The following TNKS variants were observed in gnomAD, a reference collection of about 807,000 sequenced individuals.
TNKS encodes the protein poly [ADP-ribose] polymerase tankyrase-1.
A neutral mutation model predicts 135.8 loss-of-function variants in TNKS; 72 were observed. The ratio of observed to expected loss-of-function variants is 0.53; its 90% CI spans 0.44 to 0.64. TNKS has a LOEUF of 0.64. Ranked by LOEUF, TNKS falls within the 30% of genes least tolerant of loss-of-function variation. The pLI, the probability that TNKS is intolerant of heterozygous loss-of-function variation, is 0.00. For synonymous variants in TNKS, 849 were observed against 649.3 expected (o/e 1.31, Z -4.68); for missense variants, 1,769 against 1,674.0 (o/e 1.06, Z -0.99).
rs1236054326 is a variant in TNKS at position 9,779,433 on chromosome 8, A to G, written c.*2697A>G. 1.3e-5 allele frequency: 2 copies of G among 152,176 alleles called. 1 individual carries two copies. The highest frequency in any genetic ancestry group is 2.9e-5 in the Non-Finnish European group (2 of 68,054). The allele number at this position is 152,176 out of a possible 1,614,324, so 9.4% of individuals were successfully genotyped here. On this transcript the variant is annotated 3_prime_UTR_variant, in exon 27 of 27. Coordinates refer to ENST00000310430, the MANE Select transcript of TNKS (RefSeq NM_003747.3). ...GTTTCCCTAACCACATGGAAGAAAG[A>G]ATCTGAACGTCTCCACCGGCTCTAC... is the stretch of plus-strand genomic sequence containing the variant.
chr8:9,598,386 A>G (rs1332624127), intron 2 of TNKS, among the ~76,000 whole-genome samples: 1 of 152,176 alleles, frequency 6.6e-6, no homozygotes, highest in African/African-American at 2.4e-5. Context: ...AATTGAAAGC[A>G]GAATCAAATT....
At chr8:9,695,573 A>T (rs962266267) in intron 5 of TNKS, among the ~76,000 whole-genome samples, 1 of 152,136 alleles carries the variant, frequency 6.6e-6, no homozygotes, top group Non-Finnish European at 1.5e-5. Context: ...CCACTGGAAG[A>T]TTTTGAGCAC....
At chr8:9,772,998 A>G (rs1048846097) in intron 26 of TNKS, among the ~76,000 whole-genome samples, 6 of 151,498 alleles carry the variant, frequency 4.0e-5, no homozygotes, top group African/African-American at 1.5e-4. Flanking sequence ...TACCATTTTA[A>G]TTTTTGCAAC....
At chr8:9,766,885 GC>G (rs1474199555) in intron 25 of TNKS, among the ~76,000 whole-genome samples, 2 of 152,138 alleles carry the variant, frequency 1.3e-5, no homozygotes, top group Non-Finnish European at 2.9e-5. Context: ...CAGCTGATCA[GC>G]CTCTTCTGAC....
rs551494264 is a variant in TNKS at position 9,643,314 on chromosome 8, C to T, written c.994+27637C>T. On this transcript the variant is annotated intron_variant, in intron 3 of 26. Transcript: ENST00000310430. Reference sequence around the variant, plus strand: ...CTGAGAAGTCCAAGGTTGAGGGACCCGTGTCTGGTTAGGGCCTGTTTGCTG... The same window carrying T: ...CTGAGAAGTCCAAGGTTGAGGGACCTGTGTCTGGTTAGGGCCTGTTTGCTG... Among the ~76,000 whole-genome samples, 4 of 145,474 alleles carry T rather than the reference C, an allele frequency of 2.7e-5. 2 individuals are homozygous for T. Among genetic ancestry groups the T allele is most frequent in the Non-Finnish European group, 6.0e-5 (4 of 66,552 alleles).
At chr8:9,600,567 C>T (rs1320775880) in intron 2 of TNKS, among the ~76,000 whole-genome samples, 1 of 152,102 alleles carries the variant, frequency 6.6e-6, no homozygotes, top group Non-Finnish European at 1.5e-5. Context: ...TTGGTCTCGG[C>T]CTCCCAAAAT....
At chr8:9,612,254 A>T (rs1051079685) in intron 2 of TNKS, among the ~76,000 whole-genome samples, 5 of 152,216 alleles carry the variant, frequency 3.3e-5, no homozygotes, top group Non-Finnish European at 5.9e-5. Flanking sequence ...AATATAAATA[A>T]AAAGAAGTAC....
At chr8:9,762,902 C>G (rs1807221438) in intron 21 of TNKS, among the ~76,000 whole-genome samples, 1 of 122,268 alleles carries the variant, frequency 8.2e-6, no homozygotes, top group African/African-American at 3.1e-5. Context: ...GAGGCTCCGT[C>G]TCAAAAAAAA....
intron 3 of TNKS, among the ~76,000 whole-genome samples, chr8:9,650,955 C>T (rs1455113233): frequency 3.3e-5 from 5 of 152,056 alleles, no homozygotes; most frequent in Admixed American, 1.3e-4. Context: ...TTCAGGTCTT[C>T]GATTTAAGTC....
rs548065332 is a variant in TNKS at position 9,670,386 on chromosome 8, A to T, written c.995-9565A>T. ...CATCTTAAAATTATCTTATTGGGAA[A>T]CCATTCGCCTGTATGTAGAGGGCAT... is the stretch of plus-strand genomic sequence containing the variant. On this transcript the variant is annotated intron_variant, in intron 3 of 26. Transcript: ENST00000310430. Among the ~76,000 whole-genome samples the T allele has an allele frequency of 5.3e-5, 8 of 152,238 alleles. No individual in the cohort carries two copies. The East Asian group carries it at 1.4e-3, about 26-fold the overall frequency.
At chr8:9,559,302 A>T (rs1306342678) in intron 1 of TNKS, among the ~76,000 whole-genome samples, 1 of 152,188 alleles carries the variant, frequency 6.6e-6, no homozygotes, top group Non-Finnish European at 1.5e-5. Flanking sequence ...AAGTCTTTGT[A>T]GGTAGATTTT....
At chr8:9,743,896 A>G (rs1407919559) in intron 17 of TNKS, among the ~76,000 whole-genome samples, 2 of 152,204 alleles carry the variant, frequency 1.3e-5, no homozygotes, top group African/African-American at 4.8e-5. Context: ...TGTGTTAAAT[A>G]AACACAGATT....
At chr8:9,727,771 A>G (rs555660170) in intron 13 of TNKS, among the ~76,000 whole-genome samples, 87 of 152,332 alleles carry the variant, frequency 5.7e-4, no homozygotes, top group African/African-American at 1.9e-3. Context: ...TCTGTTGCCT[A>G]GAAATTTTAT....
chr8:9,620,329 C>T (rs1266506318), intron 3 of TNKS, among the ~76,000 whole-genome samples: 1 of 152,094 alleles, frequency 6.6e-6, no homozygotes, highest in Non-Finnish European at 1.5e-5. Context: ...CCAATCTGAC[C>T]GTTTCTTACC....
chr8:9,743,779 C>T (rs568714838), intron 17 of TNKS, among the ~76,000 whole-genome samples: 1 of 152,190 alleles, frequency 6.6e-6, no homozygotes, highest in African/African-American at 2.4e-5. Flanking sequence ...TTAGTAAATT[C>T]CTTGCTTCCC....
chr8:9,653,324 T>C (rs1357131734), intron 3 of TNKS, among the ~76,000 whole-genome samples: 1 of 152,142 alleles, frequency 6.6e-6, no homozygotes, highest in Non-Finnish European at 1.5e-5. Flanking sequence ...TGCATCTGAC[T>C]GTCTCTGTTT....
At chr8:9,706,662 C>A in intron 7 of TNKS, 149 bp from the exon 8 acceptor site, 1 of 670,210 alleles carries the variant, frequency 1.5e-6, no homozygotes, top group South Asian at 2.5e-5. Context: ...AATTTAATTT[C>A]AGCTGTTTTT....
Position 9,556,420 on chromosome 8 carries a change from A to T in TNKS, c.481A>T (p.Ser161Cys). Residue 161 changes from serine to cysteine, a missense_variant, in exon 1 of 27, where the codon AGC becomes TGC. Physicochemically the swap from Ser to Cys is moderately radical, Grantham distance 112 (BLOSUM62 -1). Coordinates refer to ENST00000310430, the MANE Select transcript of TNKS (RefSeq NM_003747.3). The stretch of plus-strand genomic sequence containing the variant: ...GAGCCCCGAGGCGGCCGGAGTTAGC[A>T]GCACAGCACCACTGGGGCCTGGGGC... ...AESPEAAGVS[S>C]TAPLGPGAAG... 6.2e-7 allele frequency: 1 copy of T among 1,614,194 alleles called. No individual in the cohort carries two copies.
chr8:9,660,856 A>G (rs527272792), intron 3 of TNKS, among the ~76,000 whole-genome samples: 4 of 152,202 alleles, frequency 2.6e-5, no homozygotes, highest in East Asian at 1.9e-4. Flanking sequence ...TCAGCCCAAA[A>G]TCTCCTTAAG....
Sources: gnomAD v4.1 joint callset for allele counts (sites outside exome capture counted in the v4.1 genomes callset) on GRCh38, gnomAD v4.1.1 for gene constraint, MANE v1.5 for transcripts, NCBI Gene and HGNC (gene_info 2026-07-23, HGNC 2026-07-21) for gene names.